Variants in DLGAP4 observed in about 807,000 individuals in gnomAD.
DLGAP4 encodes DLG associated protein 4.
DLGAP4 carries 18 observed loss-of-function variants against 86.9 expected under a neutral mutation model. The ratio of observed to expected loss-of-function variants is 0.21; its 90% confidence interval spans 0.14 to 0.31. The LOEUF is 0.31. Among genes scored for constraint, DLGAP4 ranks in the 10% least tolerant of loss-of-function variants. The pLI is 1.00. For missense variants in DLGAP4, 1,085 were observed against 1,362.6 expected (o/e 0.80, Z 3.21); for synonymous variants, 548 against 574.3 (o/e 0.95, Z 0.65).
chr20:36,452,366 A>C (rs1190735072), intron 7 of DLGAP4, among the ~76,000 whole-genome samples: 1 of 151,910 alleles, frequency 6.6e-6, no homozygotes, highest in African/African-American at 2.4e-5. Context: ...TCTTGTAGAG[A>C]TGGGGTCTCC....
intron 1 of DLGAP4, among the ~76,000 whole-genome samples, chr20:36,349,898 G>A (rs941374566): frequency 7.9e-5 from 12 of 152,106 alleles, no homozygotes; most frequent in African/African-American, 2.2e-4. Flanking sequence ...GCATCGCCGC[G>A]TCCCAGGGGA....
chr20:36,316,576 C>G (rs1036986202), intron 1 of DLGAP4, among the ~76,000 whole-genome samples: 1 of 152,190 alleles, frequency 6.6e-6, no homozygotes, highest in African/African-American at 2.4e-5. Flanking sequence ...GGTCTCCCAC[C>G]GGGCAGAGGC....
intron 7 of DLGAP4, among the ~76,000 whole-genome samples, chr20:36,476,693 T>TTC (rs2034948718): frequency 6.8e-6 from 1 of 146,632 alleles, no homozygotes; most frequent in Non-Finnish European, 1.5e-5. Context: ...CCCAATTTTT[T>TTC]TTTTTTTTTT....
chr20:36,404,158 A>G (rs1334441071), intron 2 of DLGAP4, among the ~76,000 whole-genome samples: 5 of 152,196 alleles, frequency 3.3e-5, no homozygotes. Flanking sequence ...AAATTGGACT[A>G]TGAAATCTTG....
rs1237427363 is a variant in DLGAP4, at chr20:36,314,982, G to A, written c.-304+8470G>A. Among the ~76,000 whole-genome samples the A allele has an allele frequency of 1.4e-4, 19 of 133,084 alleles. No individual in the cohort carries two copies. The East Asian group carries it at 2.3e-3, about 16-fold the overall frequency. The allele number at this position is 133,084 out of a possible 152,430, so 87.3% of individuals were successfully genotyped here. A position where few individuals can be genotyped will look rare whatever the true frequency, so the allele number is the denominator to read the frequency against. On this transcript the variant is annotated intron_variant, in intron 1 of 12. Transcript: ENST00000339266. The stretch of plus-strand genomic sequence containing the variant: ...TGTGGTGTGTTATCTATGGTGTGTG[G>A]TGTGTGTGTTATGTATGGTGTGTGT...
At chr20:36,524,510 AG>A (rs2037581961) in intron 11 of DLGAP4, among the ~76,000 whole-genome samples, 169 bp downstream of exon 11, 1 of 152,218 alleles carries the variant, frequency 6.6e-6, no homozygotes, top group Non-Finnish European at 1.5e-5. Flanking sequence ...AGCACAAGAA[AG>A]GGGGCAAAAG....
At chr20:36,406,613 C>T (rs1166175607) in intron 2 of DLGAP4, among the ~76,000 whole-genome samples, 1 of 152,082 alleles carries the variant, frequency 6.6e-6, no homozygotes, top group Non-Finnish European at 1.5e-5. Context: ...TGATGCCCCT[C>T]TTTAAAGTGG....
intron 10 of DLGAP4, among the ~76,000 whole-genome samples, chr20:36,503,621 G>C (rs767837342): frequency 4.0e-5 from 6 of 151,602 alleles, no homozygotes; most frequent in African/African-American, 7.3e-5. Context: ...CCCAGTAGCT[G>C]GAACTACAGG....
intron 1 of DLGAP4, among the ~76,000 whole-genome samples, chr20:36,331,610 A>G (rs1252398717): frequency 1.3e-5 from 2 of 152,150 alleles, no homozygotes; most frequent in African/African-American, 4.8e-5. Flanking sequence ...ATCACTAAAG[A>G]TGGATGCAGA....
At position 36,404,931 on chromosome 20, in the gene DLGAP4, G is replaced by A. The variant is rs114885622; in HGVS notation, c.-72-26715G>A. Among the ~76,000 whole-genome samples the A allele has an allele frequency of 5.2e-3, 787 of 152,318 alleles. 8 individuals are homozygous for A. The highest frequency in any genetic ancestry group is 0.018 in the African/African-American group (766 of 41,562). On this transcript the variant is annotated intron_variant, in intron 2 of 12. Coordinates refer to ENST00000339266, the MANE Select transcript of DLGAP4 (RefSeq NM_001365621.2). ...CTCCTGGAGGGAGGCAGCTGCGGTC[G>A]AGGGGGTAGTTGAGGAGCGGGTCAG...
intron 1 of DLGAP4, among the ~76,000 whole-genome samples, chr20:36,322,594 C>T (rs1468270827): frequency 6.6e-6 from 1 of 152,144 alleles, no homozygotes; most frequent in Non-Finnish European, 1.5e-5. Flanking sequence ...TGGCACACAG[C>T]AAGTGCTTAT....
chr20:36,471,609 G>C (rs1191543413), intron 7 of DLGAP4, among the ~76,000 whole-genome samples: 1 of 152,222 alleles, frequency 6.6e-6, no homozygotes, highest in East Asian at 1.9e-4. Context: ...ATAGTTGGGA[G>C]ACTCATTCCT....
chr20:36,406,939 C>A (rs181888743), intron 2 of DLGAP4, among the ~76,000 whole-genome samples: 62 of 152,280 alleles, frequency 4.1e-4, no homozygotes, highest in Non-Finnish European at 6.8e-4. Context: ...GACCAGTCAG[C>A]AGCCTCTGTG....
At chr20:36,314,182 G>T (rs1423241354) in intron 1 of DLGAP4, among the ~76,000 whole-genome samples, 3 of 151,652 alleles carry the variant, frequency 2.0e-5, no homozygotes, top group East Asian at 2.0e-4. Context: ...CGGCCTGGGG[G>T]TGTCGACTAG....
At chr20:36,382,148 G>T (rs1251242379) in intron 2 of DLGAP4, among the ~76,000 whole-genome samples, 6 of 152,314 alleles carry the variant, frequency 3.9e-5, no homozygotes, top group Admixed American at 3.9e-4. Flanking sequence ...GAATTTGAGG[G>T]CAGAGATCTG....
intron 10 of DLGAP4, among the ~76,000 whole-genome samples, chr20:36,511,734 G>C (rs960674583): frequency 6.6e-6 from 1 of 151,644 alleles, no homozygotes; most frequent in African/African-American, 2.4e-5. Context: ...AATCAGCTGG[G>C]TGTCATCGTG....
At chr20:36,516,824 C>T (rs2037066594) in intron 10 of DLGAP4, among the ~76,000 whole-genome samples, 1 of 152,002 alleles carries the variant, frequency 6.6e-6, no homozygotes, top group Non-Finnish European at 1.5e-5. Flanking sequence ...GGCGTAGTGG[C>T]TTATGCCTGT....
Position 36,371,957 on chromosome 20 carries a change from G to A in DLGAP4, c.-73+4682G>A, listed in dbSNP as rs536520501. On this transcript the variant is annotated intron_variant, in intron 2 of 12. Transcript: ENST00000339266. The stretch of plus-strand genomic sequence containing the variant: ...TTGTGGGGAGGAACAGAGGATTTTA[G>A]GGTTCCCACCATCTTGCCTAGGGTA... Among the ~76,000 whole-genome samples, 3 of 152,172 alleles carry A rather than the reference G, an allele frequency of 2.0e-5. No individual in the cohort carries two copies. In the East Asian group the frequency reaches 5.8e-4, roughly 29 times the overall value.
intron 7 of DLGAP4, among the ~76,000 whole-genome samples, chr20:36,494,966 G>A (rs373320607): frequency 9.2e-6 from 1 of 108,720 alleles, no homozygotes; most frequent in South Asian, 3.3e-4. Flanking sequence ...TAAAAAAGTG[G>A]TTTTTTTTTT....
Sources: allele counts gnomAD v4.1 joint callset (sites outside exome capture counted in the v4.1 genomes callset), GRCh38; gene constraint gnomAD v4.1.1; transcripts MANE v1.5; gene names NCBI Gene and HGNC (gene_info 2026-07-23, HGNC 2026-07-21).